The following TWIST2 variants were observed in gnomAD, a reference collection of about 807,000 sequenced individuals.
TWIST2 encodes the protein twist family bHLH transcription factor 2.
A neutral mutation model predicts 11.6 loss-of-function variants in TWIST2; 1 was observed. That is an observed-to-expected ratio of 0.09 (90% confidence interval 0.03 to 0.41). TWIST2 has a LOEUF of 0.41. TWIST2 is among the 10% of genes least tolerant of loss of function. The pLI is 0.98. For synonymous variants in TWIST2, 87 were observed against 96.6 expected, an observed-to-expected ratio of 0.90 and a Z score of 0.58; for missense variants, 168 against 226.4, an observed-to-expected ratio of 0.74 and a Z score of 1.66.
At chr2:238,868,019 A>G (rs987670795) in intron 1 of TWIST2, among the ~76,000 whole-genome samples, 7 of 152,212 alleles carry the variant, frequency 4.6e-5, no homozygotes, top group Non-Finnish European at 7.3e-5. Flanking sequence ...GATAGAAAAA[A>G]TAAATGCAGT....
chr2:238,907,217 G>A (rs1420077287), intron 1 of TWIST2, among the ~76,000 whole-genome samples: 3 of 152,202 alleles, frequency 2.0e-5, no homozygotes, highest in Admixed American at 1.3e-4. Flanking sequence ...TGCCAGTGGC[G>A]TGTCCCCTGC....
intron 1 of TWIST2, among the ~76,000 whole-genome samples, chr2:238,895,144 G>A (rs1229102359): frequency 6.6e-6 from 1 of 152,232 alleles, no homozygotes; most frequent in Non-Finnish European, 1.5e-5. Context: ...AGAAGGCTGT[G>A]TCTTCAGATA....
chr2:238,901,720 C>T (rs1343303274), intron 1 of TWIST2, among the ~76,000 whole-genome samples: 3 of 152,124 alleles, frequency 2.0e-5, no homozygotes, highest in Admixed American at 2.0e-4. Flanking sequence ...AGAGAGCCCC[C>T]ACTGAAGGAC....
intron 1 of TWIST2, among the ~76,000 whole-genome samples, chr2:238,874,280 G>A (rs937008185): frequency 3.9e-5 from 6 of 152,162 alleles, no homozygotes; most frequent in Admixed American, 1.3e-4. Flanking sequence ...CATCCTTTAC[G>A]GAATCCAGGA....
intron 1 of TWIST2, among the ~76,000 whole-genome samples, chr2:238,898,751 C>T (rs1693235928): frequency 6.6e-6 from 1 of 152,222 alleles, no homozygotes; most frequent in African/African-American, 2.4e-5. Flanking sequence ...TTTGAGGCTT[C>T]CGTTGGGGTG....
Position 238,889,209 on chromosome 2 carries a change from G to A in TWIST2, c.*36-20633G>A, listed in dbSNP as rs1015550737. Among the ~76,000 whole-genome samples the A allele has an allele frequency of 6.2e-4, 94 of 152,284 alleles. 1 individual carries two copies. Among genetic ancestry groups the A allele is most frequent in the African/African-American group, 2.2e-3 (91 of 41,540 alleles). ...CCCGAATTACACTGAATTCTGAATC[G>A]TGGACTGGGTAGGAACAATGTGAGT... On this transcript the variant is annotated intron_variant, in intron 1 of 1. Coordinates refer to ENST00000612363, the MANE Select transcript of TWIST2 (RefSeq NM_001271893.4).
chr2:238,909,264 T>C (rs1275970917), intron 1 of TWIST2, among the ~76,000 whole-genome samples: 1 of 149,074 alleles, frequency 6.7e-6, no homozygotes, highest in Admixed American at 6.8e-5. Flanking sequence ...GAAAGGCACA[T>C]GGGACATCTC....
chr2:238,865,057 G>A (rs1448824508), intron 1 of TWIST2, among the ~76,000 whole-genome samples: 2 of 152,162 alleles, frequency 1.3e-5, no homozygotes, highest in Non-Finnish European at 2.9e-5. Flanking sequence ...CACTCCACTC[G>A]TTGAAAGTCC....
At position 238,864,356 on chromosome 2, in the gene TWIST2, G is replaced by A. The variant is rs191219752; in HGVS notation, c.*35+15623G>A. Among the ~76,000 whole-genome samples the A allele has an allele frequency of 2.2e-4, 33 of 152,358 alleles. No homozygotes were observed. The highest frequency in any genetic ancestry group is 7.7e-4 in the African/African-American group (32 of 41,586). On this transcript the variant is annotated intron_variant, in intron 1 of 1. Coordinates refer to ENST00000612363, the MANE Select transcript of TWIST2 (RefSeq NM_001271893.4). This position sits in a 1 kb window ranked among gnomAD's most constrained non-coding sequence, Gnocchi z 4.7. Reference sequence around the variant, plus strand: ...AAAGAAACCAAGAGGTTAACTGCCAGGGTTAGTCCCCTCCGCGGGCCTCCT... The same window carrying A: ...AAAGAAACCAAGAGGTTAACTGCCAAGGTTAGTCCCCTCCGCGGGCCTCCT...
chr2:238,849,247 A>T (rs149142491), intron 1 of TWIST2, among the ~76,000 whole-genome samples: 3 of 152,032 alleles, frequency 2.0e-5, no homozygotes, highest in Non-Finnish European at 4.4e-5. Flanking sequence ...ACTCAGATCT[A>T]CCCAGCTGCT....
chr2:238,906,313 C>T (rs1693353879), intron 1 of TWIST2, among the ~76,000 whole-genome samples: 1 of 151,678 alleles, frequency 6.6e-6, no homozygotes, highest in Non-Finnish European at 1.5e-5. Flanking sequence ...CACAGACCCA[C>T]TCAGGAGGAT....
rs183801742 is a variant in TWIST2 at position 238,890,165 on chromosome 2, G to A, written c.*36-19677G>A. On this transcript the variant is annotated intron_variant, in intron 1 of 1. Transcript: ENST00000612363. ...CAAAGGCCTGCATTGGCCTCTGCAC[G>A]TGGTCAGGGAGGTGGCAGCACCAGG... is the stretch of plus-strand genomic sequence containing the variant. Among the ~76,000 whole-genome samples, 522 of 118,690 alleles carry A rather than the reference G, an allele frequency of 4.4e-3. 4 individuals carry two copies. Among genetic ancestry groups the A allele is most frequent in the Middle Eastern group, 0.02 (5 of 252 alleles). The allele number at this position is 118,690 out of a possible 152,430, so 77.9% of individuals were successfully genotyped here.
At chr2:238,897,957 T>C (rs934528316) in intron 1 of TWIST2, among the ~76,000 whole-genome samples, 1 of 152,168 alleles carries the variant, frequency 6.6e-6, no homozygotes, top group African/African-American at 2.4e-5. Context: ...GCCCATTGGG[T>C]GGGTGATCAC....
intron 1 of TWIST2, among the ~76,000 whole-genome samples, chr2:238,903,001 T>G (rs1693294587): frequency 1.1e-4 from 1 of 9,162 alleles, no homozygotes; most frequent in Non-Finnish European, 1.9e-4. Flanking sequence ...GGTATGTGCG[T>G]GATGTGAGGT....
chr2:238,857,083 G>A (rs1022601863), intron 1 of TWIST2, among the ~76,000 whole-genome samples: 1 of 152,164 alleles, frequency 6.6e-6, no homozygotes, highest in Non-Finnish European at 1.5e-5. Context: ...CTGTGCCTGG[G>A]GTCAAGGACC....
At chr2:238,856,998 C>G (rs1372169848) in intron 1 of TWIST2, among the ~76,000 whole-genome samples, 4 of 152,160 alleles carry the variant, frequency 2.6e-5, no homozygotes, top group Non-Finnish European at 5.9e-5. Flanking sequence ...TCTGAGGGGC[C>G]TGTGACAATC....
chr2:238,907,702 C>G lies in TWIST2; in HGVS notation c.*36-2140C>G, dbSNP rs981865929. Among the ~76,000 whole-genome samples, 986 of 151,810 alleles carry G rather than the reference C, an allele frequency of 6.5e-3. 7 individuals carry two copies. Among genetic ancestry groups the G allele is most frequent in the African/African-American group, 0.022 (911 of 41,316 alleles). On this transcript the variant is annotated intron_variant, in intron 1 of 1. Transcript: ENST00000612363. ...CACATACACCACTCACACACACACA[C>G]AAATGCACACAATACACACACAAAC...
intron 1 of TWIST2, among the ~76,000 whole-genome samples, chr2:238,894,516 G>A (rs973679673): frequency 5.3e-5 from 8 of 152,180 alleles, no homozygotes; most frequent in Non-Finnish European, 4.4e-5. Context: ...CCCTGCCCAG[G>A]CCCCACCTCG....
At position 238,863,124 on chromosome 2, in the gene TWIST2, T is replaced by C. The variant is rs1294201340; in HGVS notation, c.*35+14391T>C. Among the ~76,000 whole-genome samples the C allele has an allele frequency of 1.3e-5, 2 of 151,972 alleles. No homozygotes were observed. The highest frequency in any genetic ancestry group is 6.6e-5 in the Admixed American group (1 of 15,260). On this transcript the variant is annotated intron_variant, in intron 1 of 1. Transcript: ENST00000612363. This position sits in a 1 kb window ranked among gnomAD's most constrained non-coding sequence, Gnocchi z 4.7. ...AGAACACAAATCCAGAGGTGCCCAG[T>C]GCTTTGTAAAGATAGTGTGGCAGGC...
Sources: allele counts gnomAD v4.1 joint callset (sites outside exome capture counted in the v4.1 genomes callset), GRCh38; gene constraint gnomAD v4.1.1; non-coding constraint Gnocchi (gnomAD v3.1); transcripts MANE v1.5; gene names NCBI Gene and HGNC (gene_info 2026-07-23, HGNC 2026-07-21).